Variants in HSF2 observed in about 807,000 individuals in gnomAD.
HSF2 encodes heat shock factor protein 2.
A neutral mutation model predicts 65.0 loss-of-function variants in HSF2; 21 were observed. That is an observed-to-expected ratio of 0.32 (90% CI 0.23 to 0.47). The LOEUF (loss-of-function observed/expected upper bound fraction) is 0.47. HSF2 is among the 20% of genes least tolerant of loss of function. The pLI is 1.00. For synonymous variants in HSF2, 225 were observed against 219.1 expected, an observed-to-expected ratio of 1.03 and a Z score of -0.24; for missense variants, 499 against 628.1, an observed-to-expected ratio of 0.79 and a Z score of 2.20.
intron 9 of HSF2, 40 bp from the exon 10 acceptor site, chr6:122,423,541 G>GAT: frequency 9.6e-7 from 1 of 1,046,176 alleles, no homozygotes; most frequent in Non-Finnish European, 1.4e-6. Flanking sequence ...TAAAAACAAG[G>GAT]ATATCTAATA....
At chr6:122,425,772 T>G (rs1774326706) in intron 10 of HSF2, among the ~76,000 whole-genome samples, 1 of 152,058 alleles carries the variant, frequency 6.6e-6, no homozygotes, top group South Asian at 2.1e-4. Flanking sequence ...TTTTCCATTC[T>G]TCCTCTGTGA....
intron 5 of HSF2, 108 bp from the exon 6 acceptor site, chr6:122,419,060 T>G: frequency 1.6e-6 from 1 of 606,552 alleles, no homozygotes; most frequent in Non-Finnish European, 2.9e-6. Flanking sequence ...TGAGAAATTA[T>G]GAGACTTAGA....
At chr6:122,413,010 A>C (rs964439347) in intron 3 of HSF2, among the ~76,000 whole-genome samples, 2 of 152,018 alleles carry the variant, frequency 1.3e-5, no homozygotes, top group Non-Finnish European at 2.9e-5. Flanking sequence ...GTAATTGTAC[A>C]TCCAGTACCT....
Position 122,422,959 on chromosome 6 carries a change from T to C in HSF2, c.1070+2T>C. 1.2e-6 allele frequency: 2 copies of C among 1,613,312 alleles called. No homozygotes were observed. The highest frequency in any genetic ancestry group is 1.7e-6 in the Non-Finnish European group (2 of 1,179,470). The stretch of plus-strand genomic sequence containing the variant: ...TGATAACATCAATCTTTTGGGAAAG[T>C]GAGTGCTTATCTAGATGTTGTCTAA... On this transcript the variant is annotated splice_donor_variant, in intron 9 of 12. Coordinates refer to ENST00000368455, the MANE Select transcript of HSF2 (RefSeq NM_004506.4). LOFTEE classifies it high-confidence loss of function.
In HSF2 at chr6:122,431,921, A is replaced by T; in HGVS notation, c.1316-4A>T. ...ATAAAAGAGTGTTTTTCTGATCTTT[A>T]TAGATAAGCAGCTTATCCAGTATAC... is the stretch of plus-strand genomic sequence containing the variant. On this transcript the variant is annotated splice_region_variant and splice_polypyrimidine_tract_variant and intron_variant, in intron 12 of 12. Transcript: ENST00000368455. 1 of 1,607,896 alleles carries T rather than the reference A, an allele frequency of 6.2e-7. No individual in the cohort carries two copies. The highest frequency in any genetic ancestry group is 8.5e-7 in the Non-Finnish European group (1 of 1,177,482).
intron 1 of HSF2, among the ~76,000 whole-genome samples, chr6:122,405,337 A>G (rs1354842118): frequency 6.6e-6 from 1 of 152,148 alleles, no homozygotes; most frequent in East Asian, 1.9e-4. Context: ...TTTAAAAAAC[A>G]CCAAGATAAA....
intron 1 of HSF2, among the ~76,000 whole-genome samples, chr6:122,403,515 G>A (rs1034011450): frequency 9.2e-5 from 14 of 152,124 alleles, no homozygotes; most frequent in Admixed American, 6.5e-4. Context: ...GCTGAAGAGG[G>A]GAGATGGCTT....
chr6:122,412,626 A>G lies in HSF2; in HGVS notation c.203-11A>G, dbSNP rs1444041371. On this transcript the variant is annotated splice_polypyrimidine_tract_variant and intron_variant, in intron 2 of 12. Transcript: ENST00000368455. ...TTTATTTTAGTCATTTGAATTTTGAATATTTTTCAGATGGTTTCCGTAAAG... is the reference window on the plus strand; with the variant it reads ...TTTATTTTAGTCATTTGAATTTTGAGTATTTTTCAGATGGTTTCCGTAAAG... 1.2e-6 allele frequency: 2 copies of G among 1,606,406 alleles called. No homozygotes were observed. The highest frequency in any genetic ancestry group is 4.5e-5 in the East Asian group (2 of 44,692).
intron 1 of HSF2, among the ~76,000 whole-genome samples, chr6:122,411,144 C>T (rs1168187245): frequency 6.6e-6 from 1 of 151,594 alleles, no homozygotes; most frequent in Non-Finnish European, 1.5e-5. Flanking sequence ...TGATAATAGC[C>T]ATTCTAATGG....
intron 1 of HSF2, among the ~76,000 whole-genome samples, chr6:122,402,771 C>T (rs1773768090): frequency 6.6e-6 from 1 of 152,028 alleles, no homozygotes; most frequent in Non-Finnish European, 1.5e-5. Context: ...CAGGCAGTCT[C>T]AAACTCCTGA....
chr6:122,430,004 A>G (rs1774426904), intron 11 of HSF2, among the ~76,000 whole-genome samples: 1 of 152,178 alleles, frequency 6.6e-6, no homozygotes, highest in Admixed American at 6.5e-5. Flanking sequence ...TTTTGGTATC[A>G]GGATGACGCT....
chr6:122,422,567 A>G (rs1241090306), intron 8 of HSF2, 151 bp from the exon 9 acceptor site: 1 of 791,930 alleles, frequency 1.3e-6, no homozygotes, highest in East Asian at 2.4e-5. Context: ...TATACTATGA[A>G]GTACCAATAT....
intron 1 of HSF2, among the ~76,000 whole-genome samples, chr6:122,406,073 G>C (rs1773861700): frequency 6.6e-6 from 1 of 152,088 alleles, no homozygotes; most frequent in Non-Finnish European, 1.5e-5. Flanking sequence ...CCTTTTTCTT[G>C]TAATATCTCT....
rs898673329 is a variant in HSF2 at position 122,432,478 on chromosome 6, C to T, written c.*258C>T. The T allele has an allele frequency of 3.3e-5, 12 of 367,276 alleles. No homozygotes were observed. The highest frequency in any genetic ancestry group is 5.4e-5 in the Non-Finnish European group (11 of 202,542). The allele number at this position is 367,276 out of a possible 1,614,324, so 22.8% of individuals were successfully genotyped here. ...TTGGATTCAAATGGCCATTTTTCTCCAATTTTGGTAAATTGGATATCTTTT... is the reference window on the plus strand; with the variant it reads ...TTGGATTCAAATGGCCATTTTTCTCTAATTTTGGTAAATTGGATATCTTTT... On this transcript the variant is annotated 3_prime_UTR_variant, in exon 13 of 13. Coordinates refer to ENST00000368455, the MANE Select transcript of HSF2 (RefSeq NM_004506.4).
chr6:122,404,241 T>C (rs571892801), intron 1 of HSF2, among the ~76,000 whole-genome samples: 1 of 152,302 alleles, frequency 6.6e-6, no homozygotes, highest in South Asian at 2.1e-4. Context: ...TTGGATGAAT[T>C]TGAGCAGTAG....
chr6:122,400,741 C>T (rs1255655446), intron 1 of HSF2, among the ~76,000 whole-genome samples: 1 of 152,184 alleles, frequency 6.6e-6, no homozygotes, highest in African/African-American at 2.4e-5. Flanking sequence ...ATCCACAGTG[C>T]ATGTGCATTA....
chr6:122,413,169 G>T (rs1311981567), intron 3 of HSF2, among the ~76,000 whole-genome samples: 1 of 151,878 alleles, frequency 6.6e-6, no homozygotes, highest in Non-Finnish European at 1.5e-5. Flanking sequence ...GAAAGAAAAT[G>T]GCCTAGCATG....
Position 122,432,031 on chromosome 6 carries a change from G to C in HSF2, c.1422G>C (p.Leu474Phe). 1 of 1,614,052 alleles carries C rather than the reference G, an allele frequency of 6.2e-7. No individual in the cohort carries two copies. Among genetic ancestry groups the C allele is most frequent in the Non-Finnish European group, 8.5e-7 (1 of 1,179,978 alleles). ...GTACAACAGCATCATCAGAAGTTTT[G>C]TCCTCTGTAGATAAACCCATAGAAG... is the stretch of plus-strand genomic sequence containing the variant. ...QASTTASSEV[L>F]SSVDKPIEVD... Residue 474 changes from leucine to phenylalanine, a missense_variant, in exon 13 of 13, where the codon TTG (leucine) becomes TTC (phenylalanine). Transcript: ENST00000368455.
At chr6:122,424,104 A>G (rs1308267406) in intron 10 of HSF2, among the ~76,000 whole-genome samples, 5 of 152,206 alleles carry the variant, frequency 3.3e-5, no homozygotes, top group African/African-American at 9.6e-5. Flanking sequence ...TTACTCAAAT[A>G]TGTTTTAATA....
Sources: gnomAD v4.1 joint callset for allele counts (sites outside exome capture counted in the v4.1 genomes callset) on GRCh38, gnomAD v4.1.1 for gene constraint, MANE v1.5 for transcripts, NCBI Gene and HGNC (gene_info 2026-07-23, HGNC 2026-07-21) for gene names.